The following TJP2 variants were observed in gnomAD, a reference collection of about 807,000 sequenced individuals.
TJP2 encodes the protein Friedreich ataxia region gene X104 (tight junction protein ZO-2).
In TJP2, 91 loss-of-function variants were observed where a neutral mutation model predicts 133.1. The ratio of observed to expected loss-of-function variants is 0.68; its 90% CI spans 0.58 to 0.81. The LOEUF is 0.81. Among genes scored for constraint, TJP2 ranks in the 40% least tolerant of loss-of-function variants. TJP2 has a pLI of 0.00. For synonymous variants in TJP2, 592 were observed against 583.4 expected (o/e 1.01, Z -0.21); for missense variants, 1,541 against 1,565.6 (o/e 0.98, Z 0.26).
At chr9:69,210,587 C>T (rs545153730) in intron 1 of TJP2, among the ~76,000 whole-genome samples, 1 of 152,204 alleles carries the variant, frequency 6.6e-6, no homozygotes, top group South Asian at 2.1e-4. Context: ...GGAATGTTTA[C>T]ATATTTCCTT....
chr9:69,156,992 A>G (rs1185255373), intron 2 of TJP2, among the ~76,000 whole-genome samples: 1 of 152,142 alleles, frequency 6.6e-6, no homozygotes, highest in Non-Finnish European at 1.5e-5. Context: ...AATAAACTGT[A>G]AACATTTCTT....
intron 5 of TJP2, among the ~76,000 whole-genome samples, chr9:69,223,861 C>A (rs774873055): frequency 6.6e-6 from 1 of 152,220 alleles, no homozygotes; most frequent in East Asian, 1.9e-4. Flanking sequence ...TACCGTAAAT[C>A]ATTTAAAACT....
intron 1 of TJP2, among the ~76,000 whole-genome samples, chr9:69,176,299 G>A (rs1587974558): frequency 6.6e-6 from 1 of 152,180 alleles, no homozygotes; most frequent in African/African-American, 2.4e-5. Flanking sequence ...TACAAGGCAT[G>A]TGGTGGATGC....
intron 21 of TJP2, among the ~76,000 whole-genome samples, chr9:69,252,176 T>G (rs1480944993): frequency 6.6e-6 from 1 of 151,976 alleles, no homozygotes; most frequent in African/African-American, 2.4e-5. Context: ...TCGTATTTTT[T>G]GAAGAGACAA....
intron 1 of TJP2, among the ~76,000 whole-genome samples, chr9:69,136,096 A>G (rs75773321): frequency 0.1 from 15,416 of 152,214 alleles, 839 homozygotes; most frequent in South Asian, 0.16. Context: ...CTTGATGTCA[A>G]TTCAAATTTG....
intron 22 of TJP2, 60 bp from the exon 23 acceptor site, chr9:69,254,149 C>T: frequency 6.2e-7 from 1 of 1,600,996 alleles, no homozygotes; most frequent in Admixed American, 1.7e-5. Flanking sequence ...CCATGCCTCC[C>T]CGGGCAGCCG....
At chr9:69,175,908 C>T (rs1229883225) in intron 1 of TJP2, among the ~76,000 whole-genome samples, 1 of 152,166 alleles carries the variant, frequency 6.6e-6, no homozygotes, top group Non-Finnish European at 1.5e-5. Flanking sequence ...GCTGCTGTAA[C>T]TTTTTCAGTA....
intron 1 of TJP2, among the ~76,000 whole-genome samples, chr9:69,135,106 A>G (rs1249249214): frequency 6.6e-6 from 1 of 152,110 alleles, no homozygotes; most frequent in African/African-American, 2.4e-5. Context: ...CCTATCTCCA[A>G]ATAGCATCAC....
At chr9:69,209,125 T>C (rs1168870983) in intron 1 of TJP2, among the ~76,000 whole-genome samples, 1 of 152,006 alleles carries the variant, frequency 6.6e-6, no homozygotes, top group Non-Finnish European at 1.5e-5. Context: ...TTCAGTTGAG[T>C]GTCTGCTTTC....
chr9:69,135,181 C>T (rs960039029), intron 1 of TJP2, among the ~76,000 whole-genome samples: 1 of 152,126 alleles, frequency 6.6e-6, no homozygotes, highest in African/African-American at 2.4e-5. Flanking sequence ...CTTAGCAACC[C>T]AGGCCAATAA....
chr9:69,250,967 A>C lies in TJP2; in HGVS notation c.2992-68A>C. 2.8e-6 allele frequency: 4 copies of C among 1,438,788 alleles called. No homozygotes were observed. In the South Asian group the frequency reaches 4.6e-5, roughly 16 times the overall value. 89.1% of individuals were successfully genotyped at this position (1,438,788 alleles called of 1,614,324 possible). Reference sequence around the variant, plus strand: ...ACTGATCAGGAAATGGAGTGTATTAAATCACTAATATAGATTTGAAAATAA... The same window carrying C: ...ACTGATCAGGAAATGGAGTGTATTACATCACTAATATAGATTTGAAAATAA... On this transcript the variant is annotated intron_variant, in intron 20 of 22. Coordinates refer to ENST00000377245, the MANE Select transcript of TJP2 (RefSeq NM_004817.4).
intron 19 of TJP2, chr9:69,248,559 A>C: frequency 8.2e-7 from 1 of 1,220,564 alleles, no homozygotes; most frequent in Non-Finnish European, 1.0e-6. Context: ...TGTACTTGTA[A>C]CCTTTGATTA....
chr9:69,209,505 G>A (rs997732657), intron 1 of TJP2, among the ~76,000 whole-genome samples: 1 of 152,214 alleles, frequency 6.6e-6, no homozygotes. Flanking sequence ...TGTAATCCCA[G>A]CGCTTTGGGA....
chr9:69,150,683 A>G (rs1425400448), intron 1 of TJP2, among the ~76,000 whole-genome samples: 1 of 152,220 alleles, frequency 6.6e-6, no homozygotes, highest in East Asian at 1.9e-4. Context: ...TGTTTCTCAG[A>G]GTGACCCTCA....
rs1198445913 is a variant in TJP2 at position 69,249,364 on chromosome 9, A to G, written c.2881-11A>G. On this transcript the variant is annotated splice_polypyrimidine_tract_variant and intron_variant, in intron 19 of 22. Coordinates refer to ENST00000377245, the MANE Select transcript of TJP2 (RefSeq NM_004817.4). ...ATGTTCTTGTTGTGAATGAACCTTT[A>G]TGTCTTGTAGAGCATAAGGAAACCC... 1 of 1,601,372 alleles carries G rather than the reference A, an allele frequency of 6.2e-7. No homozygotes were observed. The highest frequency in any genetic ancestry group is 1.7e-5 in the Admixed American group (1 of 58,694).
At chr9:69,168,907 G>A (rs1239390291) in intron 2 of TJP2, among the ~76,000 whole-genome samples, 1 of 150,524 alleles carries the variant, frequency 6.6e-6, no homozygotes, top group Non-Finnish European at 1.5e-5. Flanking sequence ...TAATCACAGG[G>A]GCCATTGAGT....
chr9:69,185,663 A>C, intron 1 of TJP2, among the ~76,000 whole-genome samples: 1 of 152,308 alleles, frequency 6.6e-6, no homozygotes, highest in East Asian at 1.9e-4. Context: ...TATTATTAAT[A>C]AAATAAAAGG....
At chr9:69,167,865 CAAAAAA>C (rs33986127) in intron 2 of TJP2, among the ~76,000 whole-genome samples, 3 of 128,962 alleles carry the variant, frequency 2.3e-5, no homozygotes, top group East Asian at 4.5e-4. Context: ...GAGAGTCTGT[CAAAAAA>C]AAAAAAAAAA....
intron 1 of TJP2, among the ~76,000 whole-genome samples, chr9:69,128,679 C>T (rs958355342): frequency 2.0e-5 from 3 of 152,020 alleles, no homozygotes; most frequent in East Asian, 1.9e-4. Context: ...CCCAACACCA[C>T]GCCCGGCTAA....
Sources: allele counts gnomAD v4.1 joint callset (sites outside exome capture counted in the v4.1 genomes callset), GRCh38; gene constraint gnomAD v4.1.1; transcripts MANE v1.5; gene names NCBI Gene and HGNC (gene_info 2026-07-23, HGNC 2026-07-21).